Variants in MKLN1 observed in about 807,000 individuals in gnomAD.
The protein encoded by MKLN1 is muskelin.
A neutral mutation model predicts 99.0 loss-of-function variants in MKLN1; 18 were observed. The ratio of observed to expected loss-of-function variants is 0.18; its 90% confidence interval spans 0.13 to 0.27. The LOEUF (loss-of-function observed/expected upper bound fraction) is 0.27, where lower values mean the gene tolerates loss of function less well. Ranked by LOEUF, MKLN1 falls within the 10% of genes least tolerant of loss-of-function variation. MKLN1 has a pLI of 1.00. For missense variants in MKLN1, 621 were observed against 875.9 expected (o/e 0.71, Z 3.67); for synonymous variants, 288 against 293.2 (o/e 0.98, Z 0.18).
At chr7:131,231,021 G>A (rs577405840) in intron 3 of MKLN1, among the ~76,000 whole-genome samples, 21 of 148,446 alleles carry the variant, frequency 1.4e-4, no homozygotes, top group Middle Eastern at 3.5e-3. Context: ...TTGGGAGGCC[G>A]AGGCACGAGA....
In MKLN1 at chr7:131,494,755, C is replaced by T. The variant is rs534901639; in HGVS notation, c.*7027C>T. 8 of 152,134 alleles carry T rather than the reference C, an allele frequency of 5.3e-5. No individual in the cohort carries two copies. The highest frequency in any genetic ancestry group is 9.6e-5 in the African/African-American group (4 of 41,486). The allele number at this position is 152,134 out of a possible 1,614,324, so 9.4% of individuals were successfully genotyped here. The stretch of plus-strand genomic sequence containing the variant: ...GTTATGATTGTCTTATTCTTTAAGC[C>T]GGCTTACTTTTTGGATTTGTGTGAA... On this transcript the variant is annotated 3_prime_UTR_variant, in exon 18 of 18. Coordinates refer to ENST00000352689, the MANE Select transcript of MKLN1 (RefSeq NM_013255.5).
At chr7:131,404,425 ATCCTCCT>A (rs1043742559) in intron 6 of MKLN1, among the ~76,000 whole-genome samples, 2 of 152,040 alleles carry the variant, frequency 1.3e-5, no homozygotes, top group African/African-American at 4.8e-5. Context: ...GGCTCAGGCT[ATCCTCCT>A]GCCTCCTGAG....
At chr7:131,147,388 T>C (rs993890773) in intron 2 of MKLN1, among the ~76,000 whole-genome samples, 1 of 152,082 alleles carries the variant, frequency 6.6e-6, no homozygotes, top group African/African-American at 2.4e-5. Flanking sequence ...AGCTTCCACA[T>C]GTATGTTACT....
At chr7:131,360,908 A>T (rs558020390) in intron 1 of MKLN1, among the ~76,000 whole-genome samples, 1 of 152,086 alleles carries the variant, frequency 6.6e-6, no homozygotes, top group Non-Finnish European at 1.5e-5. Flanking sequence ...ATTTCACTGG[A>T]TATAGATGTC....
chr7:131,115,184 T>C (rs1274520842), intron 1 of MKLN1, among the ~76,000 whole-genome samples: 4 of 152,144 alleles, frequency 2.6e-5, no homozygotes, highest in Admixed American at 2.0e-4. Context: ...GTCTGCAAGC[T>C]TAAGGCTGCA....
At chr7:131,281,689 C>CTT (rs561561621) in intron 3 of MKLN1, among the ~76,000 whole-genome samples, 18 of 145,424 alleles carry the variant, frequency 1.2e-4, no homozygotes, top group Non-Finnish European at 1.8e-4. Flanking sequence ...TATTTCTTTT[C>CTT]TTTTTTTTTT....
At chr7:131,321,535 A>G (rs946122972) in intron 3 of MKLN1, among the ~76,000 whole-genome samples, 9 of 152,346 alleles carry the variant, frequency 5.9e-5, no homozygotes, top group East Asian at 5.8e-4. Flanking sequence ...AAGTATATCT[A>G]TGTAACAAAC....
At chr7:131,432,637 A>G (rs569937291) in intron 9 of MKLN1, among the ~76,000 whole-genome samples, 2 of 152,096 alleles carry the variant, frequency 1.3e-5, no homozygotes, top group South Asian at 2.1e-4. Context: ...TAGTAGAGAC[A>G]GGGTTTCATC....
intron 17 of MKLN1, 139 bp downstream of exon 17, chr7:131,478,816 A>C: frequency 9.8e-7 from 1 of 1,015,406 alleles, no homozygotes; most frequent in Non-Finnish European, 1.5e-6. Context: ...TATCATGCAA[A>C]ATTTCTAATA....
At chr7:131,288,597 C>T (rs866707383) in intron 3 of MKLN1, among the ~76,000 whole-genome samples, 55 of 152,202 alleles carry the variant, frequency 3.6e-4, no homozygotes, top group African/African-American at 1.3e-3. Context: ...GCCCCATGTC[C>T]TTCTCTGCCA....
At chr7:131,216,673 A>G (rs1796987481) in intron 3 of MKLN1, among the ~76,000 whole-genome samples, 1 of 152,122 alleles carries the variant, frequency 6.6e-6, no homozygotes, top group African/African-American at 2.4e-5. Flanking sequence ...ATGCTACTCA[A>G]TTTCTACAAT....
intron 13 of MKLN1, among the ~76,000 whole-genome samples, chr7:131,463,674 A>T (rs1796581374): frequency 6.6e-6 from 1 of 152,184 alleles, no homozygotes; most frequent in African/African-American, 2.4e-5. Flanking sequence ...TAATGTTCCC[A>T]GATCTTAGTT....
At chr7:131,440,192 T>C (rs1584744969) in intron 10 of MKLN1, among the ~76,000 whole-genome samples, 1 of 152,146 alleles carries the variant, frequency 6.6e-6, no homozygotes, top group Non-Finnish European at 1.5e-5. Flanking sequence ...GTGATATGTG[T>C]CAGAAAGCAT....
At chr7:131,192,236 TAAATATATAAA>T (rs1563247602) in intron 2 of MKLN1, among the ~76,000 whole-genome samples, 2,197 of 86,258 alleles carry the variant, frequency 0.025, 13 homozygotes, top group Admixed American at 0.036. Context: ...ATACAATATA[TAAATATATAAA>T]ATATAATATA....
chr7:131,307,652 G>A (rs1798487872), intron 3 of MKLN1, among the ~76,000 whole-genome samples: 1 of 152,232 alleles, frequency 6.6e-6, no homozygotes, highest in Non-Finnish European at 1.5e-5. Flanking sequence ...CAGACTGGCA[G>A]TGGGGCCTGT....
At chr7:131,276,092 G>T (rs1326769988) in intron 3 of MKLN1, among the ~76,000 whole-genome samples, 1 of 152,204 alleles carries the variant, frequency 6.6e-6, no homozygotes, top group Non-Finnish European at 1.5e-5. Context: ...CTCTAAGGAG[G>T]AAGAACGAGA....
At chr7:131,251,093 ATGTGTGTG>A (rs34359037) in intron 3 of MKLN1, among the ~76,000 whole-genome samples, 84 of 146,256 alleles carry the variant, frequency 5.7e-4, no homozygotes, top group Admixed American at 1.0e-3. Flanking sequence ...TGGGGCCCAG[ATGTGTGTG>A]TGTGTGTGTG....
chr7:131,321,860 CAAGTA>C (rs1798782797), intron 3 of MKLN1, among the ~76,000 whole-genome samples: 1 of 152,212 alleles, frequency 6.6e-6, no homozygotes. Context: ...TCACTAGCCA[CAAGTA>C]AAGTACAACT....
chr7:131,124,730 C>T (rs7778164), intron 1 of MKLN1, among the ~76,000 whole-genome samples: 8,369 of 152,184 alleles, frequency 0.055, 267 homozygotes, highest in Middle Eastern at 0.082. Flanking sequence ...GGTCCCTTGT[C>T]TTGAACCCCA....
Sources: gnomAD v4.1 joint callset for allele counts (sites outside exome capture counted in the v4.1 genomes callset) on GRCh38, gnomAD v4.1.1 for gene constraint, MANE v1.5 for transcripts, NCBI Gene and HGNC (gene_info 2026-07-23, HGNC 2026-07-21) for gene names.